LRRC36: variants seen among roughly 807,000 people sequenced by gnomAD.
LRRC36 encodes leucine-rich repeat-containing protein 36.
A neutral mutation model predicts 81.1 loss-of-function variants in LRRC36; 62 were observed. That is an observed-to-expected ratio of 0.76 (90% confidence interval 0.62 to 0.94). LRRC36 has a LOEUF of 0.94. LRRC36 is among the 40% of genes least tolerant of loss of function. The probability of loss-of-function intolerance (pLI) is 0.00; values close to 1 mark genes in which losing one functional copy is unlikely to be tolerated. For synonymous variants in LRRC36, 334 were observed against 348.6 expected (o/e 0.96, Z 0.47); for missense variants, 761 against 881.7 (o/e 0.86, Z 1.73).
At chr16:67,356,144 T>TA (rs1228799695) in intron 5 of LRRC36, among the ~76,000 whole-genome samples, 1 of 152,226 alleles carries the variant, frequency 6.6e-6, no homozygotes, top group African/African-American at 2.4e-5. Context: ...TGCCTTTAAA[T>TA]AGAGTCTTGC....
intron 5 of LRRC36, among the ~76,000 whole-genome samples, chr16:67,355,363 CTTTTTTTTTTTTTTTTTT>C (rs1156742689): frequency 1.3e-5 from 1 of 77,704 alleles, no homozygotes; most frequent in Non-Finnish European, 2.7e-5. Flanking sequence ...TTTAAGATGT[CTTTTTTTTTTTTTTTTTT>C]TTTTTTTTTT....
At chr16:67,339,935 G>A (rs1030974093) in intron 1 of LRRC36, among the ~76,000 whole-genome samples, 8 of 152,132 alleles carry the variant, frequency 5.3e-5, no homozygotes, top group African/African-American at 1.9e-4. Flanking sequence ...CTGAGGTCAG[G>A]AGTTTGAGAC....
intron 11 of LRRC36, 24 bp downstream of exon 11, chr16:67,376,896 A>C: frequency 6.3e-7 from 1 of 1,592,216 alleles, no homozygotes; most frequent in Non-Finnish European, 8.6e-7. Flanking sequence ...ATCTCCCTTT[A>C]GAAAAGGACA....
chr16:67,379,283 A>G (rs2040025672), intron 12 of LRRC36, among the ~76,000 whole-genome samples: 1 of 152,148 alleles, frequency 6.6e-6, no homozygotes. Context: ...TTAGCCAGGC[A>G]TAGTGGTGTG....
At chr16:67,344,219 T>A (rs2038237697) in intron 2 of LRRC36, among the ~76,000 whole-genome samples, 1 of 152,198 alleles carries the variant, frequency 6.6e-6, no homozygotes, top group African/African-American at 2.4e-5. Flanking sequence ...CTTTGGGGAA[T>A]ACATAAATTC....
intron 5 of LRRC36, among the ~76,000 whole-genome samples, chr16:67,362,739 T>C (rs912900894): frequency 1.3e-5 from 2 of 151,812 alleles, no homozygotes; most frequent in African/African-American, 4.9e-5. Context: ...AAATAGGTCC[T>C]GACTGGTTTC....
At chr16:67,340,390 G>A (rs1337001123) in intron 1 of LRRC36, among the ~76,000 whole-genome samples, 5 of 152,018 alleles carry the variant, frequency 3.3e-5, no homozygotes, top group Non-Finnish European at 4.4e-5. Context: ...AGGCTCAGTG[G>A]CTCATGCCTG....
In LRRC36 at chr16:67,367,050, T is replaced by C; in HGVS notation, c.788T>C (p.Val263Ala). The C allele has an allele frequency of 1.4e-5, 22 of 1,613,674 alleles. No individual in the cohort carries two copies. The highest frequency in any genetic ancestry group is 1.9e-5 in the Non-Finnish European group (22 of 1,179,762). The part of the protein sequence containing the change: ...FRHYSPRQST[V>A]RSPEKMTREG... Reference sequence around the variant, plus strand: ...CACTACTCGCCTCGTCAGTCCACAGTCCGATCCCCAGAGAAGATGACTAGA... The same window carrying C: ...CACTACTCGCCTCGTCAGTCCACAGCCCGATCCCCAGAGAAGATGACTAGA... Residue 263 changes from valine to alanine, a missense_variant, in exon 8 of 14, where the codon GTC becomes GCC. Val to Ala is a moderately conservative substitution (Grantham distance 64). Coordinates refer to ENST00000329956, the MANE Select transcript of LRRC36 (RefSeq NM_018296.6).
chr16:67,354,699 TG>T (rs1274503304), intron 5 of LRRC36, among the ~76,000 whole-genome samples: 1 of 152,212 alleles, frequency 6.6e-6, no homozygotes, highest in African/African-American at 2.4e-5. Context: ...TCCCTGACTA[TG>T]GACATCCTGC....
At chr16:67,375,154 T>C in intron 9 of LRRC36, 93 bp from the exon 10 acceptor site, 1 of 1,379,304 alleles carries the variant, frequency 7.3e-7, no homozygotes, top group Non-Finnish European at 1.0e-6. Context: ...AAAAAAAGTC[T>C]CAATGTCTAA....
intron 12 of LRRC36, among the ~76,000 whole-genome samples, chr16:67,380,742 A>G (rs957070018): frequency 2.0e-5 from 3 of 152,188 alleles, no homozygotes; most frequent in African/African-American, 4.8e-5. Context: ...GAGGCCCAGT[A>G]TAGTATTTTG....
At chr16:67,343,226 C>T (rs1380319419) in intron 2 of LRRC36, among the ~76,000 whole-genome samples, 1 of 152,014 alleles carries the variant, frequency 6.6e-6, no homozygotes, top group Non-Finnish European at 1.5e-5. Context: ...TTTATACTTC[C>T]TTTCTTTCAC....
chr16:67,365,385 C>G, intron 7 of LRRC36, 30 bp downstream of exon 7: 3 of 1,592,864 alleles, frequency 1.9e-6, no homozygotes, highest in Non-Finnish European at 2.6e-6. Context: ...AGTATTTTTC[C>G]CCCACACTAA....
At chr16:67,371,408 C>T (rs1597491738) in intron 9 of LRRC36, 166 bp downstream of exon 9, 3 of 763,222 alleles carry the variant, frequency 3.9e-6, no homozygotes, top group East Asian at 2.7e-5. Context: ...GTTGAGCCTT[C>T]TGCCCTTGGG....
chr16:67,328,947 T>C (rs927128912), intron 1 of LRRC36, among the ~76,000 whole-genome samples: 1 of 152,212 alleles, frequency 6.6e-6, no homozygotes, highest in Non-Finnish European at 1.5e-5. Context: ...TTTTGCTCTG[T>C]CACCCAGGCT....
At chr16:67,354,444 A>T (rs968524271) in intron 5 of LRRC36, among the ~76,000 whole-genome samples, 1 of 151,946 alleles carries the variant, frequency 6.6e-6, no homozygotes, top group Admixed American at 6.6e-5. Context: ...CGCCTGGTTA[A>T]TATTTGTGTT....
chr16:67,380,887 T>G (rs929236281), intron 12 of LRRC36, among the ~76,000 whole-genome samples: 2 of 152,106 alleles, frequency 1.3e-5, no homozygotes, highest in African/African-American at 4.8e-5. Flanking sequence ...CCTACTGCAT[T>G]AAAATCTATT....
intron 2 of LRRC36, among the ~76,000 whole-genome samples, 186 bp downstream of exon 2, chr16:67,342,270 A>C (rs911507133): frequency 5.9e-5 from 9 of 152,204 alleles, no homozygotes; most frequent in African/African-American, 2.2e-4. Context: ...GTTATAAAAT[A>C]TTGGGAGGGC....
At chr16:67,350,157 C>CT (rs35595978) in intron 4 of LRRC36, 45 bp from the exon 5 acceptor site, 103,636 of 1,112,304 alleles carry the variant, frequency 0.093, 1,036 homozygotes, top group African/African-American at 0.21. Context: ...TCTCAGAAGC[C>CT]TTTTTTTTTT....
Sources: gnomAD v4.1 joint callset for allele counts (sites outside exome capture counted in the v4.1 genomes callset) on GRCh38, gnomAD v4.1.1 for gene constraint, MANE v1.5 for transcripts, NCBI Gene and HGNC (gene_info 2026-07-23, HGNC 2026-07-21) for gene names.